CSMD1: variants seen among roughly 807,000 people sequenced by gnomAD.
CSMD1 encodes CUB and sushi domain-containing protein 1.
CSMD1 carries 213 observed loss-of-function variants against 417.5 expected under a neutral mutation model. The ratio of observed to expected loss-of-function variants is 0.51; its 90% confidence interval spans 0.46 to 0.57. The LOEUF (loss-of-function observed/expected upper bound fraction) is 0.57. CSMD1 is among the 20% of genes least tolerant of loss of function. The pLI, the probability that CSMD1 is intolerant of heterozygous loss-of-function variation, is 0.00. For synonymous variants in CSMD1, 2,862 were observed against 1,736.8 expected (o/e 1.65, Z -16.11); for missense variants, 6,923 against 4,529.7 (o/e 1.53, Z -15.17).
intron 5 of CSMD1, among the ~76,000 whole-genome samples, chr8:3,929,341 A>C (rs1290348805): frequency 6.6e-6 from 1 of 150,596 alleles, no homozygotes; most frequent in African/African-American, 2.4e-5. Flanking sequence ...CTGCATACAT[A>C]ATTTTTAATA....
chr8:4,227,200 T>C (rs1471109742), intron 3 of CSMD1, among the ~76,000 whole-genome samples: 6 of 152,196 alleles, frequency 3.9e-5, no homozygotes, highest in Non-Finnish European at 8.8e-5. Context: ...GACGTTTAAG[T>C]CAAACTGAAA....
intron 3 of CSMD1, among the ~76,000 whole-genome samples, chr8:4,091,986 G>A (rs184070252): frequency 1.4e-4 from 22 of 152,200 alleles, no homozygotes; most frequent in South Asian, 4.1e-4. Context: ...CATTTTATGC[G>A]CCTAAAAAGT....
At chr8:3,688,750 G>A (rs909451789) in intron 7 of CSMD1, among the ~76,000 whole-genome samples, 2 of 152,076 alleles carry the variant, frequency 1.3e-5, no homozygotes, top group Non-Finnish European at 2.9e-5. Flanking sequence ...GTTGCTGGGT[G>A]AAACTGTAGC....
At chr8:3,518,999 GT>G (rs1797394478) in intron 10 of CSMD1, among the ~76,000 whole-genome samples, 1 of 152,110 alleles carries the variant, frequency 6.6e-6, no homozygotes, top group Non-Finnish European at 1.5e-5. Context: ...TAAATGATCT[GT>G]TTTTAAACAA....
intron 1 of CSMD1, among the ~76,000 whole-genome samples, chr8:4,783,413 T>G (rs1585091458): frequency 6.6e-6 from 1 of 152,314 alleles, no homozygotes; most frequent in Non-Finnish European, 1.5e-5. Context: ...TTCTGACTCC[T>G]CACTCTCAAT....
At chr8:3,165,583 C>T (rs1184624407) in intron 37 of CSMD1, among the ~76,000 whole-genome samples, 1 of 151,988 alleles carries the variant, frequency 6.6e-6, no homozygotes, top group Non-Finnish European at 1.5e-5. Context: ...AGGTGCCCGC[C>T]ACCACGCCCG....
chr8:4,787,352 G>A (rs1585097460), intron 1 of CSMD1: 2 of 733,390 alleles, frequency 2.7e-6, no homozygotes, highest in East Asian at 2.6e-5. Flanking sequence ...CTGAGGTACT[G>A]AACACTGGTA....
chr8:3,468,049 T>G (rs1451590467), intron 12 of CSMD1, among the ~76,000 whole-genome samples: 1 of 152,218 alleles, frequency 6.6e-6, no homozygotes, highest in African/African-American at 2.4e-5. Context: ...ATAAGATATT[T>G]TAAAAACTAT....
At chr8:3,179,205 A>G (rs575206034) in intron 37 of CSMD1, among the ~76,000 whole-genome samples, 22 of 152,110 alleles carry the variant, frequency 1.4e-4, no homozygotes, top group Non-Finnish European at 2.9e-4. Context: ...TTGGCCTCCC[A>G]AAGTGCTGGG....
intron 3 of CSMD1, among the ~76,000 whole-genome samples, chr8:4,260,947 A>G (rs916537705): frequency 7.9e-5 from 12 of 152,070 alleles, no homozygotes; most frequent in African/African-American, 2.9e-4. Context: ...GTATTTTTCT[A>G]CTCTACCTTT....
chr8:3,486,106 C>A (rs1393546129), intron 11 of CSMD1, among the ~76,000 whole-genome samples: 2 of 152,134 alleles, frequency 1.3e-5, no homozygotes, highest in Admixed American at 1.3e-4. Flanking sequence ...CATTAAATGA[C>A]AGTTCAATCT....
intron 48 of CSMD1, among the ~76,000 whole-genome samples, chr8:3,089,096 G>C (rs1466438168): frequency 1.3e-5 from 2 of 152,152 alleles, no homozygotes; most frequent in Non-Finnish European, 2.9e-5. Flanking sequence ...CCATAGCACA[G>C]AATACAAAGA....
intron 3 of CSMD1, among the ~76,000 whole-genome samples, chr8:4,365,357 G>C (rs996912478): frequency 2.0e-5 from 3 of 152,154 alleles, no homozygotes; most frequent in Non-Finnish European, 4.4e-5. Flanking sequence ...TCAAAATCAT[G>C]CATCATTTTT....
At chr8:4,279,437 G>C (rs967840413) in intron 3 of CSMD1, among the ~76,000 whole-genome samples, 9 of 152,124 alleles carry the variant, frequency 5.9e-5, no homozygotes, top group African/African-American at 1.9e-4. Context: ...ATTGTCCTTG[G>C]ATAAGATTCC....
chr8:4,084,170 A>G (rs182292079), intron 3 of CSMD1, among the ~76,000 whole-genome samples: 1 of 149,778 alleles, frequency 6.7e-6, no homozygotes, highest in East Asian at 1.9e-4. Context: ...TAATTAAAAG[A>G]GAAAGAATTT....
At chr8:3,284,568 C>T (rs182870565) in intron 25 of CSMD1, 2 of 543,684 alleles carry the variant, frequency 3.7e-6, no homozygotes, top group South Asian at 2.1e-5. Flanking sequence ...CTGTCATGGA[C>T]GCAGAGAGAT....
At chr8:4,594,250 C>T (rs939660438) in intron 2 of CSMD1, among the ~76,000 whole-genome samples, 1 of 127,156 alleles carries the variant, frequency 7.9e-6, no homozygotes, top group African/African-American at 3.0e-5. Context: ...GTTACCCAGG[C>T]TGGAGTGCAG....
chr8:3,801,076 G>A (rs1800430751), intron 5 of CSMD1, among the ~76,000 whole-genome samples: 1 of 151,760 alleles, frequency 6.6e-6, no homozygotes, highest in Admixed American at 6.6e-5. Flanking sequence ...CCCTTGATAT[G>A]ATACAAAAAG....
intron 3 of CSMD1, among the ~76,000 whole-genome samples, chr8:4,224,514 C>G (rs968525242): frequency 3.3e-5 from 5 of 152,152 alleles, no homozygotes; most frequent in Non-Finnish European, 5.9e-5. Flanking sequence ...ACTAAATGCC[C>G]TCTTCGCCTA....
Sources: gnomAD v4.1 joint callset for allele counts (sites outside exome capture counted in the v4.1 genomes callset) on GRCh38, gnomAD v4.1.1 for gene constraint, MANE v1.5 for transcripts, NCBI Gene and HGNC (gene_info 2026-07-23, HGNC 2026-07-21) for gene names.